Variants in TFR2 observed in about 807,000 individuals in gnomAD.
TFR2 encodes transferrin receptor protein 2.
In TFR2, 64 loss-of-function variants were observed where a neutral mutation model predicts 91.9. The ratio of observed to expected loss-of-function variants is 0.70; its 90% CI spans 0.57 to 0.86. The LOEUF is 0.86. Among genes scored for constraint, TFR2 ranks in the 40% least tolerant of loss-of-function variants. TFR2 has a pLI of 0.00. For missense variants in TFR2, 950 were observed against 1,080.5 expected, an observed-to-expected ratio of 0.88 and a Z score of 1.69; for synonymous variants, 454 against 459.6, an observed-to-expected ratio of 0.99 and a Z score of 0.15.
chr7:100,634,758 C>T (rs959614691), intron 3 of TFR2, among the ~76,000 whole-genome samples: 4 of 152,184 alleles, frequency 2.6e-5, no homozygotes, highest in African/African-American at 7.2e-5. Context: ...ACATTTCAGA[C>T]CCTTCGCAAA....
At chr7:100,627,863 C>T (rs748149161) in intron 13 of TFR2, 43 bp from the exon 14 acceptor site, 47 of 1,613,984 alleles carry the variant, frequency 2.9e-5, no homozygotes, top group Admixed American at 8.3e-5. Context: ...TGCTCCTCCC[C>T]GCAACCTACT....
chr7:100,626,822 A>G lies in TFR2; in HGVS notation c.2077T>C (p.Tyr693His), dbSNP rs1803268881. ...RAAEKLRQEI[Y>H]SSEERDERLT... The stretch of plus-strand genomic sequence containing the variant: ...CGCTCGTCTCTCTCCTCCGAGCTGT[A>G]GATCTCCTGCCGCAGCTTTTCCGCC... Residue 693 changes from tyrosine (Y) to histidine (H), a missense_variant, in exon 17 of 18, where the codon TAC (tyrosine) becomes CAC (histidine). By Grantham distance (83) the Tyr-to-His change is moderately conservative. Coordinates refer to ENST00000223051, the MANE Select transcript of TFR2 (RefSeq NM_003227.4). The G allele has an allele frequency of 1.9e-6, 3 of 1,549,602 alleles. No individual in the cohort carries two copies. The highest frequency in any genetic ancestry group is 2.6e-6 in the Non-Finnish European group (3 of 1,146,952).
At chr7:100,623,960 G>A (rs971745374) in intron 17 of TFR2, among the ~76,000 whole-genome samples, 1 of 151,248 alleles carries the variant, frequency 6.6e-6, no homozygotes, top group African/African-American at 2.4e-5. Flanking sequence ...GGAGGCAGAA[G>A]TGGGAGAATC....
intron 3 of TFR2, among the ~76,000 whole-genome samples, chr7:100,635,459 T>TA (rs1562843248): frequency 1.4e-5 from 2 of 146,702 alleles, no homozygotes; most frequent in African/African-American, 2.5e-5. Context: ...TTATTATTAT[T>TA]TTTGACATGG....
chr7:100,626,898 G>A lies in TFR2; in HGVS notation c.2001C>T (p.Arg667=). The change falls in exon 17 of 18, where the codon CGC becomes CGT. Residue 667 remains arginine (R), a synonymous_variant. Transcript: ENST00000223051. ...LNEFSGDLKA[R]GLTLQWVYSA... ...AGTACACCCACTGCAGGGTCAGCCC[G>A]CGGGCCTGGGGTGGGGAGGCGCGGG... 6.5e-7 allele frequency: 1 copy of A among 1,539,910 alleles called. No individual in the cohort carries two copies. Among genetic ancestry groups the A allele is most frequent in the South Asian group, 1.2e-5 (1 of 83,726 alleles).
At chr7:100,624,959 C>T (rs528092689) in intron 17 of TFR2, among the ~76,000 whole-genome samples, 14 of 152,098 alleles carry the variant, frequency 9.2e-5, no homozygotes, top group African/African-American at 2.6e-4. Context: ...CCATAAAATT[C>T]ACTGGGTCTG....
Position 100,628,208 on chromosome 7 carries a change from C to A in TFR2, c.1473+16G>T, listed in dbSNP as rs186378421. 1.2e-6 allele frequency: 2 copies of A among 1,613,668 alleles called. No homozygotes were observed. Among genetic ancestry groups the A allele is most frequent in the Non-Finnish European group, 8.5e-7 (1 of 1,179,840 alleles). ...TCTCCCCAATGCCTAACGACCTGCC[C>A]GGGACCCCGTATCACCTCTAGCCAC... On this transcript the variant is annotated intron_variant, in intron 11 of 17. Coordinates refer to ENST00000223051, the MANE Select transcript of TFR2 (RefSeq NM_003227.4).
chr7:100,638,676 G>C (rs886510840), intron 3 of TFR2, among the ~76,000 whole-genome samples: 2 of 151,714 alleles, frequency 1.3e-5, no homozygotes, highest in Non-Finnish European at 2.9e-5. Context: ...GCTTGAACCT[G>C]GGAGGTGGAG....
intron 17 of TFR2, 169 bp downstream of exon 17, chr7:100,626,594 G>A (rs1263532692): frequency 4.9e-6 from 7 of 1,437,302 alleles, no homozygotes; most frequent in Non-Finnish European, 6.4e-6. Flanking sequence ...CCTCCAGCCT[G>A]ACCGATCTAT....
At chr7:100,639,392 T>C (rs1472127388) in intron 3 of TFR2, among the ~76,000 whole-genome samples, 1 of 152,144 alleles carries the variant, frequency 6.6e-6, no homozygotes, top group Non-Finnish European at 1.5e-5. Flanking sequence ...TCAATAAAAG[T>C]CTCAGTGAGC....
chr7:100,630,585 C>T (rs1243836727), intron 9 of TFR2, among the ~76,000 whole-genome samples: 1 of 152,188 alleles, frequency 6.6e-6, no homozygotes, highest in African/African-American at 2.4e-5. Flanking sequence ...CCACCACACC[C>T]GGCCCATGCT....
Position 100,626,821 on chromosome 7 carries a change from T to G in TFR2, c.2078A>C (p.Tyr693Ser), listed in dbSNP as rs1267593985. 7 of 1,549,458 alleles carry G rather than the reference T, an allele frequency of 4.5e-6. No homozygotes were observed. Among genetic ancestry groups the G allele is most frequent in the African/African-American group, 2.7e-5 (2 of 73,036 alleles). The change falls in exon 17 of 18, where the codon TAC (tyrosine) becomes TCC (serine). Residue 693 changes from tyrosine to serine, a missense_variant. By Grantham distance (144) the Tyr-to-Ser change is moderately radical. Transcript: ENST00000223051. Reference sequence around the variant, plus strand: ...TCGCTCGTCTCTCTCCTCCGAGCTGTAGATCTCCTGCCGCAGCTTTTCCGC... The same window carrying G: ...TCGCTCGTCTCTCTCCTCCGAGCTGGAGATCTCCTGCCGCAGCTTTTCCGC... ...RAAEKLRQEI[Y>S]SSEERDERLT...
chr7:100,630,230 TCCTTTCTC>T (rs774292764), intron 9 of TFR2, among the ~76,000 whole-genome samples: 26 of 150,352 alleles, frequency 1.7e-4, no homozygotes, highest in East Asian at 9.7e-4. Context: ...CTTCCTTCCT[TCCTTTCTC>T]TCTCTCTCTT....
Position 100,630,896 on chromosome 7 carries a change from T to C in TFR2, c.1263A>G (p.Ser421=), listed in dbSNP as rs142005608. ...NNIFGCIEGR[S]EPDHYVVIGA... is the part of the protein sequence containing the mutation. ...ACTGGACACACAGCATACCTGGCTC[T>C]GAGCGGCCTTCGATGCAGCCGAAGA... The change falls in exon 9 of 18, where the codon TCA becomes TCG. Residue 421 remains serine (S), a synonymous_variant. Transcript: ENST00000223051. 2.5e-6 allele frequency: 4 copies of C among 1,612,684 alleles called. No individual in the cohort carries two copies. Among genetic ancestry groups the C allele is most frequent in the Non-Finnish European group, 3.4e-6 (4 of 1,179,848 alleles).
At position 100,627,380 on chromosome 7, in the gene TFR2, C is replaced by G. The variant is rs1287359793; in HGVS notation, c.1879G>C (p.Gly627Arg). ...AVAQAVAQLA[G>R]QLLIRLSHDR... ...TGGCTGAGCCGGATGAGGAGCTGCC[C>G]TGCGAGCTGGGCCACGGCCTGGGCC... Residue 627 changes from glycine to arginine, a missense_variant, in exon 16 of 18, where the codon GGG becomes CGG. By Grantham distance (125) the Gly-to-Arg change is moderately radical (BLOSUM62 -2). Transcript: ENST00000223051. 1 of 1,556,844 alleles carries G rather than the reference C, an allele frequency of 6.4e-7. No homozygotes were observed. The highest frequency in any genetic ancestry group is 2.0e-5 in the Admixed American group (1 of 51,258).
chr7:100,623,056 C>T (rs554542142), intron 17 of TFR2, among the ~76,000 whole-genome samples: 8 of 151,612 alleles, frequency 5.3e-5, no homozygotes, highest in African/African-American at 1.5e-4. Flanking sequence ...GGGTAGATCA[C>T]GAGGTCAAGA....
rs770274506 is a variant in TFR2, at chr7:100,627,807, T to C, written c.1619A>G (p.Asn540Ser). The C allele has an allele frequency of 1.2e-6, 2 of 1,613,652 alleles. No homozygotes were observed. The highest frequency in any genetic ancestry group is 1.3e-5 in the African/African-American group (1 of 74,814). Residue 540 changes from asparagine (N) to serine (S), a missense_variant, in exon 14 of 18, where the codon AAC (asparagine) becomes AGC (serine). Asn to Ser is a conservative substitution (Grantham distance 46). Coordinates refer to ENST00000223051, the MANE Select transcript of TFR2 (RefSeq NM_003227.4). ...ESVLKQVDSP[N>S]HSGQTLYEQV... ...TTCATAGAGAGTCTGCCCACTGTGG[T>C]TGGGAGAATCCACCTGGGGGTTGGG... is the stretch of plus-strand genomic sequence containing the variant.
chr7:100,640,204 C>G (rs1377819583), intron 3 of TFR2: 2 of 160,198 alleles, frequency 1.2e-5, no homozygotes, highest in African/African-American at 4.8e-5. Context: ...GTCAAGCTCC[C>G]AAGTAACTGG....
rs769036823 is a variant in TFR2 at position 100,632,092 on chromosome 7, ACTGC to A, written c.952_955del (p.Ala318CysfsTer50). On this transcript the variant is annotated frameshift_variant, in exon 7 of 18. Transcript: ENST00000223051. LOFTEE classifies it high-confidence loss of function. Reference sequence around the variant, plus strand: ...CCTCCCCAGACTCACATGTCCATACACTGCCTGCTGGCTGGACAGGCTTGGCTTG... The same window carrying A: ...CCTCCCCAGACTCACATGTCCATACACTGCTGGCTGGACAGGCTTGGCTTG... 1 of 1,614,044 alleles carries A rather than the reference ACTGC, an allele frequency of 6.2e-7. No homozygotes were observed. Among genetic ancestry groups the A allele is most frequent in the Non-Finnish European group, 8.5e-7 (1 of 1,180,004 alleles).
Sources: allele counts gnomAD v4.1 joint callset (sites outside exome capture counted in the v4.1 genomes callset), GRCh38; gene constraint gnomAD v4.1.1; transcripts MANE v1.5; gene names NCBI Gene and HGNC (gene_info 2026-07-23, HGNC 2026-07-21).